The following PWWP3A variants were observed in gnomAD, a reference collection of about 807,000 sequenced individuals.
PWWP3A encodes the protein PWWP domain-containing DNA repair factor 3A.
PWWP3A carries 53 observed loss-of-function variants against 79.0 expected under a neutral mutation model. That is an observed-to-expected ratio of 0.67 (90% CI 0.54 to 0.84). PWWP3A has a LOEUF of 0.84. Ranked by LOEUF, PWWP3A falls within the 40% of genes least tolerant of loss-of-function variation. The probability of loss-of-function intolerance (pLI) is 0.00; values close to 1 mark genes in which losing one functional copy is unlikely to be tolerated. For synonymous variants in PWWP3A, 443 were observed against 394.4 expected, an observed-to-expected ratio of 1.12 and a Z score of -1.46; for missense variants, 973 against 948.0, an observed-to-expected ratio of 1.03 and a Z score of -0.35.
intron 2 of PWWP3A, among the ~76,000 whole-genome samples, chr19:1,356,757 G>A (rs1201107269): frequency 6.6e-6 from 1 of 152,108 alleles, no homozygotes; most frequent in Non-Finnish European, 1.5e-5. Flanking sequence ...GTCGTGTTCA[G>A]GGAATGCTTT....
intron 13 of PWWP3A, among the ~76,000 whole-genome samples, chr19:1,376,298 T>TG (rs1460779478): frequency 6.7e-5 from 6 of 90,182 alleles, no homozygotes; most frequent in South Asian, 7.1e-4. Flanking sequence ...GCTGTTTGTT[T>TG]TTTTTTTTGT....
chr19:1,358,461 T>A lies in PWWP3A; in HGVS notation c.211T>A (p.Leu71Ile), dbSNP rs768714720. The A allele has an allele frequency of 6.2e-7, 1 of 1,613,870 alleles. No individual in the cohort carries two copies. The highest frequency in any genetic ancestry group is 1.1e-5 in the South Asian group (1 of 91,040). Reference protein sequence around the residue: ...KSQIEAIASSLASQNEVPAAP... With the variant: ...KSQIEAIASSIASQNEVPAAP... The stretch of plus-strand genomic sequence containing the variant: ...TCAAATTGAAGCCATTGCTTCCTCG[T>A]TAGGTAAGAGCGTATTTTTAAGTGG... The change falls in exon 4 of 14, where the codon TTA (leucine) becomes ATA (isoleucine). Residue 71 changes from leucine (L) to isoleucine (I), a missense_variant. Coordinates refer to ENST00000591337, the MANE Select transcript of PWWP3A (RefSeq NM_001369789.1).
At position 1,368,896 on chromosome 19, in the gene PWWP3A, CCGG is replaced by C. The variant is rs1568949055; in HGVS notation, c.1423-368_1423-366del. 1.7e-4 allele frequency among the ~76,000 whole-genome samples: 25 copies of C among 146,590 alleles called. No individual in the cohort carries two copies. The highest frequency in any genetic ancestry group is 6.3e-4 in the African/African-American group (24 of 38,280). On this transcript the variant is annotated intron_variant, in intron 9 of 13. Transcript: ENST00000591337. The surrounding 1 kb of genome is among the most constrained non-coding windows in gnomAD (Gnocchi z 4.7). ...CAGACCAGCCCAAGCCATCGGGTCC[CCGG>C]TGCCCACCTGCGTTCAGACCAGCCC...
chr19:1,356,586 C>T, intron 2 of PWWP3A, 137 bp downstream of exon 2: 1 of 777,156 alleles, frequency 1.3e-6, no homozygotes, highest in Non-Finnish European at 2.1e-6. Flanking sequence ...ATTCTCGTTC[C>T]CCATTTAATG....
At chr19:1,373,363 C>T (rs2082302107) in intron 13 of PWWP3A, 1 of 590,694 alleles carries the variant, frequency 1.7e-6, no homozygotes, top group Non-Finnish European at 3.0e-6. Flanking sequence ...GTGCCCGGGT[C>T]TCCCAGCTGG....
chr19:1,374,839 T>G (rs2082331645), intron 13 of PWWP3A, among the ~76,000 whole-genome samples: 1 of 152,110 alleles, frequency 6.6e-6, no homozygotes, highest in African/African-American at 2.4e-5. Flanking sequence ...CCCAGGAGTT[T>G]GAGGCTGTAG....
chr19:1,370,407 C>G (rs891798731), intron 11 of PWWP3A, among the ~76,000 whole-genome samples: 1 of 152,166 alleles, frequency 6.6e-6, no homozygotes, highest in African/African-American at 2.4e-5. Context: ...GCGCTTTTCT[C>G]TGCTATAAGG....
rs2082421875 is a variant in PWWP3A, at chr19:1,377,251, G to C, written c.*675G>C. Reference sequence around the variant, plus strand: ...CCGCAGCGCGCAGCCACATGCCCTGGCTGCCATGGGCCAGACCGCCTCCAC... The same window carrying C: ...CCGCAGCGCGCAGCCACATGCCCTGCCTGCCATGGGCCAGACCGCCTCCAC... On this transcript the variant is annotated 3_prime_UTR_variant, in exon 14 of 14. Coordinates refer to ENST00000591337, the MANE Select transcript of PWWP3A (RefSeq NM_001369789.1). 6.6e-6 allele frequency: 1 copy of C among 152,668 alleles called. No individual in the cohort carries two copies. The highest frequency in any genetic ancestry group is 2.1e-4 in the South Asian group (1 of 4,838). 9.5% of individuals were successfully genotyped at this position (152,668 alleles called of 1,614,324 possible).
At chr19:1,371,533 A>G (rs2082260455) in intron 12 of PWWP3A, 2 of 622,986 alleles carry the variant, frequency 3.2e-6, no homozygotes, top group Non-Finnish European at 2.9e-6. Context: ...AGTTAAACAC[A>G]CAAATTAGAC....
chr19:1,372,096 TC>T (rs1374223424), intron 12 of PWWP3A: 2 of 152,110 alleles, frequency 1.3e-5, no homozygotes, highest in African/African-American at 4.8e-5. Flanking sequence ...GAGCCACCAC[TC>T]CCGGCCACAG....
intron 6 of PWWP3A, chr19:1,364,027 T>A: frequency 2.4e-6 from 1 of 408,958 alleles, no homozygotes; most frequent in Non-Finnish European, 4.9e-6. Flanking sequence ...CTAGTTATGA[T>A]TTAAATAATT....
intron 5 of PWWP3A, chr19:1,361,806 C>T (rs1193260979): frequency 1.8e-5 from 3 of 170,254 alleles, no homozygotes; most frequent in Admixed American, 1.1e-4. Flanking sequence ...TGTCCTGTTC[C>T]ATAGTCAGCT....
chr19:1,357,084 C>T lies in PWWP3A; in HGVS notation c.133C>T (p.Leu45=), dbSNP rs1240233105. 6 of 1,606,068 alleles carry T rather than the reference C, an allele frequency of 3.7e-6. No individual in the cohort carries two copies. The highest frequency in any genetic ancestry group is 2.7e-5 in the African/African-American group (2 of 74,622). Residue 45 remains leucine, a synonymous_variant, in exon 3 of 14, where the codon CTA becomes TTA. Transcript: ENST00000591337. The stretch of plus-strand genomic sequence containing the variant: ...TTTTCTAGCTGTGCAAATCCTCTCT[C>T]TAGAGGAAAAGTTAAGTGTTGTGTT... ...EYFLAVQILS[L]EEKIKVKSTE...
chr19:1,360,524 G>C lies in PWWP3A; in HGVS notation c.603G>C (p.Glu201Asp), dbSNP rs372425730. 116 of 1,614,104 alleles carry C rather than the reference G, an allele frequency of 7.2e-5. 2 individuals are homozygous for C. The South Asian group carries it at 1.2e-3, about 17-fold the overall frequency. Reference protein sequence around the residue: ...VLPAGGGAQDESGSRIHHKNW... With the variant: ...VLPAGGGAQDDSGSRIHHKNW... ...CAGCTGGAGGTGGTGCCCAAGATGA[G>C]AGTGGGTCCAGAATCCACCACAAAA... Residue 201 changes from glutamate to aspartate, a missense_variant, in exon 5 of 14, where the codon GAG becomes GAC. Transcript: ENST00000591337. This position sits in a 1 kb window ranked among gnomAD's most constrained non-coding sequence, Gnocchi z 4.4.
Position 1,360,837 on chromosome 19 carries a change from G to C in PWWP3A, c.916G>C (p.Asp306His). 4.5e-6 allele frequency: 7 copies of C among 1,561,432 alleles called. No homozygotes were observed. Among genetic ancestry groups the C allele is most frequent in the Non-Finnish European group, 6.1e-6 (7 of 1,154,986 alleles). ...ECPAKKRPRLDGSQRPPAVQL... is the reference protein window; with the variant it reads ...ECPAKKRPRLHGSQRPPAVQL... ...CCCTGCGAAAAAGAGGCCGCGCCTG[G>C]ATGGCAGCCAAAGGCCGCCTGCCGT... is the stretch of plus-strand genomic sequence containing the variant. Residue 306 changes from aspartate to histidine, a missense_variant, in exon 5 of 14, where the codon GAT (aspartate) becomes CAT (histidine). Coordinates refer to ENST00000591337, the MANE Select transcript of PWWP3A (RefSeq NM_001369789.1). This position sits in a 1 kb window ranked among gnomAD's most constrained non-coding sequence, Gnocchi z 4.4.
rs766168515 is a variant in PWWP3A, at chr19:1,376,529, A to G, written c.2086A>G (p.Ile696Val). 1.2e-6 allele frequency: 2 copies of G among 1,613,364 alleles called. No individual in the cohort carries two copies. Among genetic ancestry groups the G allele is most frequent in the African/African-American group, 1.3e-5 (1 of 74,872 alleles). The part of the protein sequence containing the change: ...GPSLSYREKE[I>V]FDNQLLEERN... The stretch of plus-strand genomic sequence containing the variant: ...TCTTGTTTTCTGAAGGGAAAAAGAA[A>G]TATTTGACAACCAGCTCCTTGAAGA... Residue 696 changes from isoleucine to valine, a missense_variant, in exon 14 of 14, where the codon ATA becomes GTA. Ile to Val is a conservative substitution (Grantham distance 29). Coordinates refer to ENST00000591337, the MANE Select transcript of PWWP3A (RefSeq NM_001369789.1).
chr19:1,356,764 C>G (rs1325828571), intron 2 of PWWP3A, among the ~76,000 whole-genome samples: 1 of 152,070 alleles, frequency 6.6e-6, no homozygotes, highest in Non-Finnish European at 1.5e-5. Context: ...TCAGGGAATG[C>G]TTTCCAGCAA....
chr19:1,367,312 G>C lies in PWWP3A; in HGVS notation c.1422+92G>C. 4 of 1,077,660 alleles carry C rather than the reference G, an allele frequency of 3.7e-6. No homozygotes were observed. In the South Asian group the frequency reaches 4.1e-5, roughly 11 times the overall value. The allele number at this position is 1,077,660 out of a possible 1,614,324, so 66.8% of individuals were successfully genotyped here. On this transcript the variant is annotated intron_variant, in intron 9 of 13. Coordinates refer to ENST00000591337, the MANE Select transcript of PWWP3A (RefSeq NM_001369789.1). ...TGTGTAGCTCTTGAAATCCATGGCTGCGGTGTACGCGTGTGAATGATTGTG... is the reference window on the plus strand; with the variant it reads ...TGTGTAGCTCTTGAAATCCATGGCTCCGGTGTACGCGTGTGAATGATTGTG...
At chr19:1,362,372 G>C in intron 6 of PWWP3A, 21 bp downstream of exon 6, 1 of 1,600,056 alleles carries the variant, frequency 6.2e-7, no homozygotes, top group East Asian at 2.2e-5. Flanking sequence ...ATCAGGGGGC[G>C]CCGGCAGTCC....
Sources: gnomAD v4.1 joint callset for allele counts (sites outside exome capture counted in the v4.1 genomes callset) on GRCh38, gnomAD v4.1.1 for gene constraint, Gnocchi (gnomAD v3.1) non-coding constraint, MANE v1.5 for transcripts, NCBI Gene and HGNC (gene_info 2026-07-23, HGNC 2026-07-21) for gene names.